DEFB119: variants seen among roughly 807,000 people sequenced by gnomAD.
The protein encoded by DEFB119 is defensin beta 119.
Under a neutral mutation model 2.5 loss-of-function variants are expected in DEFB119, and 3 were observed. That is an observed-to-expected ratio of 1.19 (90% CI 0.54 to 3.07). DEFB119 has a LOEUF of 3.07. Ranked by LOEUF, DEFB119 falls within the 30% of genes most tolerant of loss-of-function variation. DEFB119 has a pLI of 0.03. For missense variants in DEFB119, 113 were observed against 101.1 expected, an observed-to-expected ratio of 1.12 and a Z score of -0.50; for synonymous variants, 29 against 33.7, an observed-to-expected ratio of 0.86 and a Z score of 0.48.
chr20:31,378,164 C>T (rs1189024346), intron 1 of DEFB119, among the ~76,000 whole-genome samples: 3 of 152,188 alleles, frequency 2.0e-5, no homozygotes, highest in African/African-American at 7.2e-5. Context: ...AGGCATCCCT[C>T]CCTCCACTTC....
rs111863161 is a variant in DEFB119 at position 31,387,734 on chromosome 20, T to C, written c.61+2689A>G. Reference sequence around the variant, plus strand: ...CTTGAGGAAAGGCCCCTGCAGCTCCTTGAAGCAGGCACAAGGTTTCTCTGG... The same window carrying C: ...CTTGAGGAAAGGCCCCTGCAGCTCCCTGAAGCAGGCACAAGGTTTCTCTGG... On this transcript the variant is annotated intron_variant, in intron 1 of 1. Transcript: ENST00000376321. Among the ~76,000 whole-genome samples the C allele has an allele frequency of 2.4e-4, 37 of 152,224 alleles. 1 individual carries two copies. The highest frequency in any genetic ancestry group is 8.9e-4 in the African/African-American group (37 of 41,536).
intron 1 of DEFB119, chr20:31,388,480 C>T (rs909000152): frequency 3.1e-5 from 6 of 192,266 alleles, no homozygotes; most frequent in East Asian, 1.8e-4. Context: ...ATGAATGAAT[C>T]GGTGAAAGAA....
At chr20:31,389,483 G>T (rs2295501) in intron 1 of DEFB119, among the ~76,000 whole-genome samples, 127,815 of 151,910 alleles carry the variant, frequency 0.84, 53,866 homozygotes, top group African/African-American at 0.89. Flanking sequence ...TGTCTTCCTA[G>T]CCCCCAACTT....
In DEFB119 at chr20:31,377,323, A is replaced by C. The variant is rs780519590; in HGVS notation, c.178T>G (p.Tyr60Asp). The stretch of plus-strand genomic sequence containing the variant: ...TTGCCAGAAATGCTTATCCTCATGT[A>C]GGACTGGAGGCAGCAGGACTGACAA... Reference protein sequence around the residue: ...RNCQSCCLQSYMRISISGKEE... With the variant: ...RNCQSCCLQSDMRISISGKEE... The change falls in exon 2 of 2, where the codon TAC becomes GAC. Residue 60 changes from tyrosine (Y) to aspartate (D), a missense_variant. Tyr to Asp is a radical substitution (Grantham distance 160). Transcript: ENST00000376321. The C allele has an allele frequency of 6.2e-7, 1 of 1,614,150 alleles. No individual in the cohort carries two copies. The highest frequency in any genetic ancestry group is 2.2e-5 in the East Asian group (1 of 44,888).
rs759707397 is a variant in DEFB119, at chr20:31,390,425, G to A, written c.59C>T (p.Ser20Leu). ...ILLAIEEPVI[S>L]GKRHILRCMG... ...CCCCCGAGAGAGGTTCACGTTACCT[G>A]ATATCACTGGTTCTTCTATGGCCAG... The change falls in exon 1 of 2, where the codon TCA (serine) becomes TTA (leucine). Residue 20 changes from serine (S) to leucine (L), a missense_variant and splice_region_variant. Coordinates refer to ENST00000376321, the MANE Select transcript of DEFB119 (RefSeq NM_153289.4). 6.2e-7 allele frequency: 1 copy of A among 1,612,690 alleles called. No homozygotes were observed. The highest frequency in any genetic ancestry group is 2.2e-5 in the East Asian group (1 of 44,826).
chr20:31,390,624 T>A (rs1276337795), upstream of DEFB119: 1 of 724,616 alleles, frequency 1.4e-6, no homozygotes, highest in Non-Finnish European at 2.3e-6. Context: ...TTATATGAGG[T>A]CATCCAGGCC....
At chr20:31,389,612 A>G (rs866162561) in intron 1 of DEFB119, among the ~76,000 whole-genome samples, 13 of 152,096 alleles carry the variant, frequency 8.5e-5, no homozygotes, top group Admixed American at 2.6e-4. Flanking sequence ...ATTCACTCAC[A>G]TTACACAGAC....
chr20:31,389,056 G>A (rs1159366540), intron 1 of DEFB119: 1 of 1,613,974 alleles, frequency 6.2e-7, no homozygotes, highest in African/African-American at 1.3e-5. Context: ...CTTCATTTTT[G>A]GAGCTGTTGT....
intron 1 of DEFB119, 121 bp from the exon 2 acceptor site, chr20:31,377,560 G>A (rs775637088): frequency 4.1e-5 from 43 of 1,058,858 alleles, no homozygotes; most frequent in Non-Finnish European, 5.1e-5. Context: ...GGACAATAGT[G>A]ACTTCTACTT....
At chr20:31,385,296 A>G in intron 1 of DEFB119, among the ~76,000 whole-genome samples, 1 of 151,508 alleles carries the variant, frequency 6.6e-6, no homozygotes. Flanking sequence ...ATATCAAGTG[A>G]TAATCCAATG....
chr20:31,386,675 G>A (rs1046659167), intron 1 of DEFB119, among the ~76,000 whole-genome samples: 4 of 152,174 alleles, frequency 2.6e-5, no homozygotes, highest in Non-Finnish European at 2.9e-5. Flanking sequence ...TGGGAAGGGA[G>A]AATAGGAAGA....
chr20:31,378,547 A>C (rs1358575145), intron 1 of DEFB119, among the ~76,000 whole-genome samples: 1 of 152,220 alleles, frequency 6.6e-6, no homozygotes, highest in Non-Finnish European at 1.5e-5. Flanking sequence ...GACAATCAAC[A>C]GAACTGAGAG....
intron 1 of DEFB119, among the ~76,000 whole-genome samples, chr20:31,378,942 T>TA (rs1986403130): frequency 3.7e-5 from 1 of 27,200 alleles, no homozygotes; most frequent in Non-Finnish European, 7.9e-5. Context: ...AAGTGGACAC[T>TA]TTTTTTTTTT....
At chr20:31,384,137 T>C (rs1986605390) in intron 1 of DEFB119, among the ~76,000 whole-genome samples, 1 of 152,220 alleles carries the variant, frequency 6.6e-6, no homozygotes, top group Non-Finnish European at 1.5e-5. Flanking sequence ...CTGAGAGACT[T>C]GATCACCAAC....
chr20:31,388,961 C>A, intron 1 of DEFB119: 2 of 1,583,842 alleles, frequency 1.3e-6, no homozygotes, highest in Non-Finnish European at 1.7e-6. Flanking sequence ...TTGACAGACA[C>A]CAGAAACAAA....
chr20:31,379,307 C>T (rs1475742654), intron 1 of DEFB119, among the ~76,000 whole-genome samples: 1 of 152,116 alleles, frequency 6.6e-6, no homozygotes, highest in Non-Finnish European at 1.5e-5. Context: ...TTTGGAAAAT[C>T]ACTATTTTTA....
At chr20:31,379,123 A>C (rs896589084) in intron 1 of DEFB119, among the ~76,000 whole-genome samples, 1 of 151,948 alleles carries the variant, frequency 6.6e-6, no homozygotes, top group Non-Finnish European at 1.5e-5. Context: ...TTTTCAGTAG[A>C]GATGGGGTTT....
intron 1 of DEFB119, among the ~76,000 whole-genome samples, chr20:31,385,374 C>CAAAAAAAAAAAAAAAAAAAAAAAAAAA (rs539118665): frequency 8.6e-6 from 1 of 115,804 alleles, no homozygotes; most frequent in Non-Finnish European, 1.7e-5. Context: ...TAACAAAAGA[C>CAAAAAAAAAAAAAAAAAAAAAAAAAAA]AAAAAAAAAA....
At chr20:31,378,273 G>A in intron 1 of DEFB119, 1 of 1,608,034 alleles carries the variant, frequency 6.2e-7, no homozygotes, top group Non-Finnish European at 8.5e-7. Flanking sequence ...GTGACTTGGA[G>A]GCCACACGGG....
Sources: allele counts gnomAD v4.1 joint callset (sites outside exome capture counted in the v4.1 genomes callset), GRCh38; gene constraint gnomAD v4.1.1; transcripts MANE v1.5; gene names NCBI Gene and HGNC (gene_info 2026-07-23, HGNC 2026-07-21).